The following RNF217 variants were observed in gnomAD, a reference collection of about 807,000 sequenced individuals.
The protein encoded by RNF217 is E3 ubiquitin-protein ligase RNF217.
Under a neutral mutation model 57.8 loss-of-function variants are expected in RNF217, and 31 were observed. That is an observed-to-expected ratio of 0.54 (90% CI 0.40 to 0.72). RNF217 has a LOEUF of 0.72. Ranked by LOEUF, RNF217 falls within the 30% of genes least tolerant of loss-of-function variation. The pLI is 0.00. For synonymous variants in RNF217, 313 were observed against 294.0 expected, an observed-to-expected ratio of 1.06 and a Z score of -0.66; for missense variants, 696 against 708.3, an observed-to-expected ratio of 0.98 and a Z score of 0.20.
chr6:125,077,743 C>T (rs555159485), intron 4 of RNF217, among the ~76,000 whole-genome samples: 5 of 152,214 alleles, frequency 3.3e-5, no homozygotes, highest in East Asian at 3.9e-4. Context: ...CTTTTCTGGC[C>T]GTGTTTCTCA....
intron 1 of RNF217, among the ~76,000 whole-genome samples, chr6:124,999,487 T>A (rs1429782169): frequency 6.6e-6 from 1 of 152,156 alleles, no homozygotes; most frequent in African/African-American, 2.4e-5. Context: ...AAAATTGTGG[T>A]TCAAACTCAT....
At chr6:124,988,177 T>C (rs1784425965) in intron 1 of RNF217, among the ~76,000 whole-genome samples, 1 of 152,176 alleles carries the variant, frequency 6.6e-6, no homozygotes, top group African/African-American at 2.4e-5. Flanking sequence ...TAATGCCTGA[T>C]GATCTGAAAT....
At chr6:125,054,851 C>T (rs950231669) in intron 2 of RNF217, among the ~76,000 whole-genome samples, 1 of 152,126 alleles carries the variant, frequency 6.6e-6, no homozygotes, top group Non-Finnish European at 1.5e-5. Context: ...TCAGGTGATG[C>T]TGATGTTTCT....
intron 1 of RNF217, among the ~76,000 whole-genome samples, chr6:125,005,036 G>A (rs925928098): frequency 9.2e-5 from 14 of 152,126 alleles, no homozygotes; most frequent in Non-Finnish European, 1.3e-4. Context: ...GCAAGCCAGG[G>A]TGCCAGGCAG....
intron 1 of RNF217, among the ~76,000 whole-genome samples, chr6:125,024,650 G>T (rs1785996036): frequency 6.6e-6 from 1 of 151,318 alleles, no homozygotes; most frequent in Non-Finnish European, 1.5e-5. Flanking sequence ...AGCCCGGGAG[G>T]CAGAGGTCGC....
chr6:125,076,822 C>T lies in RNF217; in HGVS notation c.1447C>T (p.Pro483Ser). 6.2e-7 allele frequency: 1 copy of T among 1,613,514 alleles called. No homozygotes were observed. Among genetic ancestry groups the T allele is most frequent in the Non-Finnish European group, 8.5e-7 (1 of 1,179,666 alleles). ...GCKYRYLPER[P>S]HLRRLVRGSV... is the part of the protein sequence containing the mutation. The stretch of plus-strand genomic sequence containing the variant: ...CAAATATCGCTACCTCCCAGAGAGA[C>T]CTCATTTAAGGAGATTAGTGCGAGG... Residue 483 changes from proline to serine, a missense_variant, in exon 4 of 6, where the codon CCT (proline) becomes TCT (serine). Coordinates refer to ENST00000521654, the MANE Select transcript of RNF217 (RefSeq NM_001286398.3).
intron 1 of RNF217, among the ~76,000 whole-genome samples, chr6:125,027,344 T>C (rs933658854): frequency 4.6e-5 from 7 of 152,132 alleles, no homozygotes; most frequent in Non-Finnish European, 5.9e-5. Context: ...CCTTCTACTC[T>C]CTATGTCCGT....
intron 3 of RNF217, among the ~76,000 whole-genome samples, chr6:125,060,514 G>A (rs1023453067): frequency 5.9e-5 from 9 of 152,060 alleles, no homozygotes; most frequent in Admixed American, 2.6e-4. Context: ...GCACGATCTC[G>A]GCTCACTGCA....
At chr6:125,024,696 G>T (rs1445645255) in intron 1 of RNF217, among the ~76,000 whole-genome samples, 1 of 149,996 alleles carries the variant, frequency 6.7e-6, no homozygotes, top group Non-Finnish European at 1.5e-5. Flanking sequence ...CTCCAGCCTG[G>T]GTGACAGGGT....
Position 125,057,941 on chromosome 6 carries a change from G to A in RNF217, c.1117-1G>A, listed in dbSNP as rs1787582260. On this transcript the variant is annotated splice_acceptor_variant, in intron 2 of 5. Coordinates refer to ENST00000521654, the MANE Select transcript of RNF217 (RefSeq NM_001286398.3). LOFTEE classifies it high-confidence loss of function. ...ATTAATATGATTTTTTTCTTACACA[G>A]ATCCAGTGCCCTACCTGCCAATTCG... 4 of 1,604,812 alleles carry A rather than the reference G, an allele frequency of 2.5e-6. No individual in the cohort carries two copies. The highest frequency in any genetic ancestry group is 3.4e-6 in the Non-Finnish European group (4 of 1,175,064).
intron 1 of RNF217, among the ~76,000 whole-genome samples, chr6:125,033,365 C>A (rs1287100232): frequency 8.0e-6 from 1 of 125,752 alleles, no homozygotes; most frequent in Non-Finnish European, 1.6e-5. Flanking sequence ...CCACAACAGT[C>A]CCCAGAGTGT....
intron 1 of RNF217, among the ~76,000 whole-genome samples, chr6:125,028,932 A>G (rs950585828): frequency 6.6e-6 from 1 of 152,092 alleles, no homozygotes; most frequent in South Asian, 2.1e-4. Flanking sequence ...ATCAAACTTC[A>G]TATTTGATCT....
At chr6:125,072,543 A>G (rs1788188052) in intron 3 of RNF217, among the ~76,000 whole-genome samples, 1 of 152,226 alleles carries the variant, frequency 6.6e-6, no homozygotes. Flanking sequence ...AAACTTATTT[A>G]AATGAAATAA....
At chr6:124,991,713 A>G (rs2115044270) in intron 1 of RNF217, among the ~76,000 whole-genome samples, 1 of 152,316 alleles carries the variant, frequency 6.6e-6, no homozygotes, top group African/African-American at 2.4e-5. Flanking sequence ...TAGAATTGTA[A>G]GATTTTAGAG....
chr6:124,975,407 T>C (rs934920468), intron 1 of RNF217, among the ~76,000 whole-genome samples: 1 of 152,224 alleles, frequency 6.6e-6, no homozygotes, highest in African/African-American at 2.4e-5. Flanking sequence ...GTAGCCCATC[T>C]TTTTGAAAGT....
chr6:125,070,003 C>T (rs1002566448), intron 3 of RNF217, among the ~76,000 whole-genome samples: 34 of 152,078 alleles, frequency 2.2e-4, no homozygotes, highest in Admixed American at 6.6e-4. Flanking sequence ...ATCCCTTTCC[C>T]ACTCTTACCT....
chr6:125,042,627 G>T (rs1168063640), intron 1 of RNF217, among the ~76,000 whole-genome samples: 3 of 152,070 alleles, frequency 2.0e-5, no homozygotes, highest in Admixed American at 2.0e-4. Flanking sequence ...TACTGCAGTA[G>T]AAAAGAAGGT....
At chr6:125,067,546 A>G (rs1234551957) in intron 3 of RNF217, among the ~76,000 whole-genome samples, 1 of 152,210 alleles carries the variant, frequency 6.6e-6, no homozygotes, top group African/African-American at 2.4e-5. Context: ...ATAACCACCA[A>G]ATATTTAGTA....
At chr6:124,978,046 C>G (rs1784031386) in intron 1 of RNF217, among the ~76,000 whole-genome samples, 1 of 152,008 alleles carries the variant, frequency 6.6e-6, no homozygotes, top group Non-Finnish European at 1.5e-5. Context: ...ATACTGAGCA[C>G]AAAATATTTG....
Sources: allele counts gnomAD v4.1 joint callset (sites outside exome capture counted in the v4.1 genomes callset), GRCh38; gene constraint gnomAD v4.1.1; transcripts MANE v1.5; gene names NCBI Gene and HGNC (gene_info 2026-07-23, HGNC 2026-07-21).